FIRRM: variants seen among roughly 807,000 people sequenced by gnomAD.
FIRRM encodes the protein FIGNL1-interacting regulator of recombination and mitosis.
At chr1:169,853,745 C>T in the FIRRM span, 6 of 1,613,734 alleles carry the variant, frequency 3.7e-6, no homozygotes, top group Non-Finnish European at 5.1e-6. Flanking sequence ...TTCAGCTCCC[C>T]TTCTTCTTCC....
the FIRRM span, chr1:169,785,032 G>A: frequency 6.6e-6 from 1 of 152,230 alleles, no homozygotes; most frequent in Admixed American, 6.5e-5. Flanking sequence ...CTGACATGTA[G>A]GAAGTGGCAC....
chr1:169,832,143 T>C, the FIRRM span, among the ~76,000 whole-genome samples: 1 of 152,204 alleles, frequency 6.6e-6, no homozygotes, highest in East Asian at 1.9e-4. Context: ...AAAAGTTCCA[T>C]GAATTGTCTT....
chr1:169,799,176 G>A, the FIRRM span, among the ~76,000 whole-genome samples: 48 of 152,290 alleles, frequency 3.2e-4, no homozygotes, highest in Admixed American at 2.0e-3. Context: ...ATACCAAAGT[G>A]TTTTGTTGAT....
the FIRRM span, among the ~76,000 whole-genome samples, chr1:169,838,959 GT>G: frequency 6.6e-6 from 1 of 152,044 alleles, no homozygotes; most frequent in African/African-American, 2.4e-5. Context: ...CTAGTCCCGT[GT>G]TTATTGTTGC....
the FIRRM span, chr1:169,832,487 T>C: frequency 1.2e-6 from 2 of 1,613,200 alleles, no homozygotes; most frequent in Admixed American, 3.3e-5. Flanking sequence ...CTCTTTTTCT[T>C]CATGGCACCA....
the FIRRM span, chr1:169,836,857 C>G: frequency 5.8e-5 from 66 of 1,135,630 alleles, no homozygotes; most frequent in Non-Finnish European, 1.2e-5. Flanking sequence ...GAAACTAATA[C>G]TTAGCTTTTG....
the FIRRM span, among the ~76,000 whole-genome samples, chr1:169,788,067 C>A: frequency 1.3e-5 from 2 of 152,186 alleles, no homozygotes; most frequent in South Asian, 4.1e-4. Flanking sequence ...GAGGAAGGAG[C>A]ATCTTTATCT....
chr1:169,799,122 T>C, the FIRRM span, among the ~76,000 whole-genome samples: 1 of 152,252 alleles, frequency 6.6e-6, no homozygotes, highest in Non-Finnish European at 1.5e-5. Context: ...AACAAATTCA[T>C]TCAAATTCCA....
At chr1:169,813,819 GCACTAGTTTC>G in the FIRRM span, among the ~76,000 whole-genome samples, 1 of 152,202 alleles carries the variant, frequency 6.6e-6, no homozygotes, top group Admixed American at 6.5e-5. Context: ...TCTTAGAGTT[GCACTAGTTTC>G]TTTCAGTAGC....
At chr1:169,810,834 A>ATTTTTTTTTT in the FIRRM span, among the ~76,000 whole-genome samples, 54 of 61,206 alleles carry the variant, frequency 8.8e-4, 11 homozygotes, top group East Asian at 8.2e-3. Flanking sequence ...TTAGCCCCCA[A>ATTTTTTTTTT]TTTTTTTTTT....
chr1:169,850,262 T>C, the FIRRM span: 3 of 1,599,454 alleles, frequency 1.9e-6, no homozygotes, highest in Non-Finnish European at 2.6e-6. Context: ...AATTTTTTAA[T>C]AGGGAACAAA....
At chr1:169,801,583 T>C in the FIRRM span, among the ~76,000 whole-genome samples, 3 of 132,916 alleles carry the variant, frequency 2.3e-5, no homozygotes, top group Non-Finnish European at 3.1e-5. Context: ...GGTGACAGAG[T>C]GAAACCCTTA....
chr1:169,830,730 A>T, the FIRRM span: 1 of 1,613,882 alleles, frequency 6.2e-7, no homozygotes, highest in Non-Finnish European at 8.5e-7. Flanking sequence ...ACACCATGTC[A>T]CCATAGTGGC....
the FIRRM span, chr1:169,851,886 G>C: frequency 8.7e-6 from 14 of 1,614,024 alleles, no homozygotes; most frequent in South Asian, 1.5e-4. Context: ...TATTTTCTGG[G>C]AACCCTTTGC....
the FIRRM span, chr1:169,804,273 G>A: frequency 7.4e-7 from 1 of 1,360,534 alleles, no homozygotes; most frequent in South Asian, 2.1e-5. Flanking sequence ...TTAGTATATG[G>A]TGACTATAAA....
the FIRRM span, chr1:169,837,036 A>G: frequency 6.2e-7 from 1 of 1,613,782 alleles, no homozygotes; most frequent in Admixed American, 1.7e-5. Flanking sequence ...ACTGTCCATG[A>G]GGTCACCACA....
At chr1:169,851,808 C>A in the FIRRM span, 1 of 1,612,938 alleles carries the variant, frequency 6.2e-7, no homozygotes, top group South Asian at 1.1e-5. Context: ...TTTTCATGGT[C>A]CCTGGCAGAC....
the FIRRM span, chr1:169,832,301 C>T: frequency 4.7e-6 from 3 of 641,594 alleles, no homozygotes; most frequent in African/African-American, 5.5e-5. Flanking sequence ...TCAATATTAC[C>T]TACAATCTTT....
At chr1:169,828,792 C>T in the FIRRM span, among the ~76,000 whole-genome samples, 18 of 152,272 alleles carry the variant, frequency 1.2e-4, no homozygotes, top group South Asian at 4.1e-4. Context: ...GTGATCTTCC[C>T]GCCTCGGCCT....
Sources: allele counts gnomAD v4.1 joint callset (sites outside exome capture counted in the v4.1 genomes callset), GRCh38; gene constraint gnomAD v4.1.1; transcripts MANE v1.5; gene names NCBI Gene and HGNC (gene_info 2026-07-23, HGNC 2026-07-21).